Variants in ST3GAL2 observed in about 807,000 individuals in gnomAD.
The protein encoded by ST3GAL2 is ST3 beta-galactoside alpha-2,3-sialyltransferase 2.
ST3GAL2 carries 16 observed loss-of-function variants against 37.5 expected under a neutral mutation model. That is an observed-to-expected ratio of 0.43 (90% confidence interval 0.29 to 0.65). The LOEUF is 0.65. Among genes scored for constraint, ST3GAL2 ranks in the 30% least tolerant of loss-of-function variants. ST3GAL2 has a pLI of 0.17. For missense variants in ST3GAL2, 383 were observed against 487.8 expected (o/e 0.79, Z 2.02); for synonymous variants, 238 against 202.9 (o/e 1.17, Z -1.47).
Position 70,427,479 on chromosome 16 carries a change from C to T in ST3GAL2, c.-1004+11470G>A, listed in dbSNP as rs370624501. On this transcript the variant is annotated intron_variant, in intron 1 of 6. Coordinates refer to ENST00000342907, the MANE Select transcript of ST3GAL2 (RefSeq NM_006927.4). ...TCAGCCTCCCAAGTAGCTGGGACTA[C>T]AGGCCCCCGCCACCATGCCTGGCTA... Among the ~76,000 whole-genome samples, 44 of 152,110 alleles carry T rather than the reference C, an allele frequency of 2.9e-4. No individual in the cohort carries two copies. In the South Asian group the frequency reaches 3.5e-3, roughly 12 times the overall value.
intron 1 of ST3GAL2, among the ~76,000 whole-genome samples, chr16:70,409,194 T>A (rs1304074641): frequency 6.6e-6 from 1 of 152,086 alleles, no homozygotes; most frequent in Non-Finnish European, 1.5e-5. Context: ...TCCCAGCACT[T>A]TGGGAGACTG....
intron 1 of ST3GAL2, among the ~76,000 whole-genome samples, chr16:70,429,722 A>G (rs2047776391): frequency 6.8e-6 from 1 of 146,064 alleles, no homozygotes; most frequent in African/African-American, 2.6e-5. Context: ...GCTCACTGTA[A>G]CCTCCACCTC....
At position 70,398,518 on chromosome 16, in the gene ST3GAL2, G is replaced by C. The variant is rs764215623; in HGVS notation, c.13C>G (p.Leu5Val). 6.2e-7 allele frequency: 1 copy of C among 1,605,716 alleles called. No homozygotes were observed. Among genetic ancestry groups the C allele is most frequent in the Non-Finnish European group, 8.5e-7 (1 of 1,176,212 alleles). MKCS[L>V]RVWFLSVAFL... ...GCCACGGAGAGGAACCACACCCGCAGGGAGCACTTCATGGTGCCGGCAGGC... is the reference window on the plus strand; with the variant it reads ...GCCACGGAGAGGAACCACACCCGCACGGAGCACTTCATGGTGCCGGCAGGC... The change falls in exon 2 of 7, where the codon CTG (leucine) becomes GTG (valine). Residue 5 changes from leucine (L) to valine (V), a missense_variant. This residue lies in a region of ST3GAL2 where 223 missense variants were observed against 239.1 expected (regional missense o/e 0.93). Transcript: ENST00000342907.
chr16:70,407,690 C>G (rs1015512549), intron 1 of ST3GAL2, among the ~76,000 whole-genome samples: 3 of 152,074 alleles, frequency 2.0e-5, no homozygotes, highest in South Asian at 2.1e-4. Flanking sequence ...CTCACCAGCA[C>G]GCAGGTAAAT....
intron 3 of ST3GAL2, among the ~76,000 whole-genome samples, chr16:70,394,024 C>T (rs2047499054): frequency 6.6e-6 from 1 of 152,104 alleles, no homozygotes; most frequent in Non-Finnish European, 1.5e-5. Context: ...CCAGCCAAGT[C>T]AAGGGGGGAT....
chr16:70,409,254 G>A lies in ST3GAL2; in HGVS notation c.-1003-9721C>T, dbSNP rs937232877. On this transcript the variant is annotated intron_variant, in intron 1 of 6. Transcript: ENST00000342907. Reference sequence around the variant, plus strand: ...GGGGTTGGAGCCTGGGCAACAGAGTGAGACCTCATCTCTATTTTATGAAAA... The same window carrying A: ...GGGGTTGGAGCCTGGGCAACAGAGTAAGACCTCATCTCTATTTTATGAAAA... Among the ~76,000 whole-genome samples the A allele has an allele frequency of 2.6e-5, 4 of 152,188 alleles. No individual in the cohort carries two copies. The South Asian group carries it at 6.2e-4, about 24-fold the overall frequency.
At chr16:70,402,092 G>A (rs1255304264) in intron 1 of ST3GAL2, among the ~76,000 whole-genome samples, 1 of 151,202 alleles carries the variant, frequency 6.6e-6, no homozygotes, top group Non-Finnish European at 1.5e-5. Flanking sequence ...CTGAGGTTGG[G>A]AGTTCGAGAC....
chr16:70,404,479 T>C (rs565758029), intron 1 of ST3GAL2, among the ~76,000 whole-genome samples: 1 of 152,002 alleles, frequency 6.6e-6, no homozygotes, highest in African/African-American at 2.4e-5. Context: ...GAAATGCAAA[T>C]CAAAACCACA....
rs143187183 is a variant in ST3GAL2, at chr16:70,382,886, G to C, written c.798C>G (p.His266Gln). The C allele has an allele frequency of 1.2e-6, 2 of 1,614,036 alleles. No homozygotes were observed. Among genetic ancestry groups the C allele is most frequent in the Non-Finnish European group, 1.7e-6 (2 of 1,179,946 alleles). Residue 266 changes from histidine (H) to glutamine (Q), a missense_variant, in exon 6 of 7, where the codon CAC becomes CAG. His to Gln is a conservative substitution (Grantham distance 24). Around this residue, in one of 2 missense-constraint regions of ST3GAL2, gnomAD observed 160 missense variants for 248.6 expected, o/e 0.64. Coordinates refer to ENST00000342907, the MANE Select transcript of ST3GAL2 (RefSeq NM_006927.4). ...GCCCGTGATGCTCTGTCCACCTGTC[G>C]TGGATATACTTGAAGAAGGCTGGGT... ...IYNPAFFKYI[H>Q]DRWTEHHGRY...
At chr16:70,419,702 C>T (rs546483621) in intron 1 of ST3GAL2, among the ~76,000 whole-genome samples, 5 of 152,320 alleles carry the variant, frequency 3.3e-5, no homozygotes, top group African/African-American at 9.6e-5. Context: ...CAGAGCAGCT[C>T]GCTCGCCTCG....
At chr16:70,436,314 G>A (rs566149591) in intron 1 of ST3GAL2, among the ~76,000 whole-genome samples, 1 of 151,880 alleles carries the variant, frequency 6.6e-6, no homozygotes, top group Admixed American at 6.6e-5. Context: ...TGTAATCCTA[G>A]GTTCCTGTCA....
Position 70,381,726 on chromosome 16 carries a change from G to A in ST3GAL2, c.1016C>T (p.Ala339Val). The A allele has an allele frequency of 6.2e-7, 1 of 1,614,018 alleles. No homozygotes were observed. Among genetic ancestry groups the A allele is most frequent in the Non-Finnish European group, 8.5e-7 (1 of 1,179,944 alleles). ...GTAGACTTCGATCTTGCTGGCCTTG[G>A]CCAGCATGTCGATGATGTGGGCCTC... is the stretch of plus-strand genomic sequence containing the variant. Reference protein sequence around the residue: ...DFEAHIIDMLAKASKIEVYRG... With the variant: ...DFEAHIIDMLVKASKIEVYRG... Residue 339 changes from alanine to valine, a missense_variant, in exon 7 of 7, where the codon GCC (alanine) becomes GTC (valine). By Grantham distance (64) the Ala-to-Val change is moderately conservative. Coordinates refer to ENST00000342907, the MANE Select transcript of ST3GAL2 (RefSeq NM_006927.4).
At chr16:70,420,014 C>A (rs868796018) in intron 1 of ST3GAL2, among the ~76,000 whole-genome samples, 6 of 126,500 alleles carry the variant, frequency 4.7e-5, no homozygotes, top group South Asian at 2.1e-4. Context: ...CCATTTGACC[C>A]CCCCCTTCCC....
rs1348340000 is a variant in ST3GAL2, at chr16:70,436,143, T to C, written c.-1004+2806A>G. 3.0e-5 allele frequency among the ~76,000 whole-genome samples: 4 copies of C among 132,268 alleles called. No individual in the cohort carries two copies. In the East Asian group the frequency reaches 9.2e-4, roughly 30 times the overall value. The allele number at this position is 132,268 out of a possible 152,430, so 86.8% of individuals were successfully genotyped here. On this transcript the variant is annotated intron_variant, in intron 1 of 6. Coordinates refer to ENST00000342907, the MANE Select transcript of ST3GAL2 (RefSeq NM_006927.4). ...TCTATCTCAAAAAAAAAAAAAGACA[T>C]CTGGCCAGGAGCGGTGACTCACGCC...
chr16:70,416,558 A>T (rs758293293), intron 1 of ST3GAL2, among the ~76,000 whole-genome samples: 5 of 152,224 alleles, frequency 3.3e-5, no homozygotes, highest in Admixed American at 2.0e-4. Flanking sequence ...ACTGAGTATC[A>T]TCTCTCTACA....
At chr16:70,428,225 G>C (rs982753354) in intron 1 of ST3GAL2, among the ~76,000 whole-genome samples, 3 of 152,254 alleles carry the variant, frequency 2.0e-5, no homozygotes, top group African/African-American at 7.2e-5. Flanking sequence ...GCTGACCGCA[G>C]ATGGGAAAGG....
At chr16:70,436,361 G>T (rs2047825330) in intron 1 of ST3GAL2, among the ~76,000 whole-genome samples, 1 of 148,328 alleles carries the variant, frequency 6.7e-6, no homozygotes, top group South Asian at 2.2e-4. Flanking sequence ...CGAGACAAGA[G>T]AATTGCTTGA....
chr16:70,427,479 C>A (rs370624501), intron 1 of ST3GAL2, among the ~76,000 whole-genome samples: 1 of 151,994 alleles, frequency 6.6e-6, no homozygotes, highest in Admixed American at 6.6e-5. Context: ...GCTGGGACTA[C>A]AGGCCCCCGC....
rs149532673 is a variant in ST3GAL2 at position 70,426,117 on chromosome 16, G to A, written c.-1004+12832C>T. ...AAGAACATGACCGTCAATATAGAAC[G>A]TAACAGGAAGTTAGGATCCTACGTT... is the stretch of plus-strand genomic sequence containing the variant. On this transcript the variant is annotated intron_variant, in intron 1 of 6. Transcript: ENST00000342907. 4.0e-5 allele frequency among the ~76,000 whole-genome samples: 6 copies of A among 150,186 alleles called. No homozygotes were observed. In the South Asian group the frequency reaches 6.3e-4, roughly 16 times the overall value.
Sources: allele counts gnomAD v4.1 joint callset (sites outside exome capture counted in the v4.1 genomes callset), GRCh38; gene constraint gnomAD v4.1.1; regional missense constraint gnomAD v4.1.1; transcripts MANE v1.5; gene names NCBI Gene and HGNC (gene_info 2026-07-23, HGNC 2026-07-21).